Variants in LZTFL1 observed in about 807,000 individuals in gnomAD.
LZTFL1 encodes the protein leucine zipper transcription factor like 1, also known as leucine zipper transcription factor-like protein 1.
Under a neutral mutation model 45.9 loss-of-function variants are expected in LZTFL1, and 25 were observed. The observed-to-expected ratio is 0.54, with a 90% CI of 0.40 to 0.76. LZTFL1 has a LOEUF of 0.76. LZTFL1 is among the 30% of genes least tolerant of loss of function. The pLI is 0.00. For missense variants in LZTFL1, 277 were observed against 331.1 expected (o/e 0.84, Z 1.27); for synonymous variants, 93 against 117.4 (o/e 0.79, Z 1.35).
intron 2 of LZTFL1, among the ~76,000 whole-genome samples, chr3:45,886,267 T>C (rs7653372): frequency 0.2 from 30,658 of 152,120 alleles, 4,362 homozygotes; most frequent in African/African-American, 0.39. Flanking sequence ...CTCGATGGGA[T>C]CCTCCAATTT....
At chr3:45,872,561 T>G (rs1197340055) in intron 2 of LZTFL1, among the ~76,000 whole-genome samples, 1 of 152,088 alleles carries the variant, frequency 6.6e-6, no homozygotes, top group East Asian at 1.9e-4. Flanking sequence ...GGGGGCTTGT[T>G]GAAGTGCAGA....
At chr3:45,847,409 C>A (rs546886957) in intron 4 of LZTFL1, among the ~76,000 whole-genome samples, 1 of 152,268 alleles carries the variant, frequency 6.6e-6, no homozygotes, top group South Asian at 2.1e-4. Flanking sequence ...CCATAAAGAA[C>A]CATGTGCAAT....
intron 2 of LZTFL1, among the ~76,000 whole-genome samples, chr3:45,878,412 C>T (rs7614687): frequency 0.067 from 10,222 of 152,120 alleles, 1,208 homozygotes; most frequent in African/African-American, 0.23. Flanking sequence ...ACTGAACTTT[C>T]AGCTTTTGAA....
At chr3:45,830,806 G>A in intron 7 of LZTFL1, 107 bp downstream of exon 7, 1 of 907,488 alleles carries the variant, frequency 1.1e-6, no homozygotes, top group Non-Finnish European at 1.7e-6. Context: ...TTTGTCTCAG[G>A]GAGTAGCAGG....
At position 45,901,304 on chromosome 3, in the gene LZTFL1, C is replaced by G. The variant is rs559576247; in HGVS notation, c.-215+11816G>C. 12 of 1,614,200 alleles carry G rather than the reference C, an allele frequency of 7.4e-6. No individual in the cohort carries two copies. The South Asian group carries it at 1.3e-4, about 18-fold the overall frequency. On this transcript the variant is annotated intron_variant, in intron 2 of 4. Transcript: ENST00000472635. This position sits in a 1 kb window ranked among gnomAD's most constrained non-coding sequence, Gnocchi z 4.3. Reference sequence around the variant, plus strand: ...ACAGCAAAATGGTTTGCTTTACCATCTGGGTATTGGCAGCTGCTCTCTGCA... The same window carrying G: ...ACAGCAAAATGGTTTGCTTTACCATGTGGGTATTGGCAGCTGCTCTCTGCA...
intron 2 of LZTFL1, among the ~76,000 whole-genome samples, chr3:45,879,909 G>A (rs1454918075): frequency 6.6e-6 from 1 of 152,214 alleles, no homozygotes; most frequent in African/African-American, 2.4e-5. Flanking sequence ...ACTTCTCAGT[G>A]AATAATGATG....
Position 45,826,281 on chromosome 3 carries a change from G to T in LZTFL1, c.*33C>A, listed in dbSNP as rs771526544. On this transcript the variant is annotated 3_prime_UTR_variant, in exon 10 of 10. Coordinates refer to ENST00000296135, the MANE Select transcript of LZTFL1 (RefSeq NM_020347.4). ...CTGAGGTGAGACTGCTTGTATGTTT[G>T]CATGTGGTAGCTTCCAGAGGAAATC... 4 of 1,604,310 alleles carry T rather than the reference G, an allele frequency of 2.5e-6. No individual in the cohort carries two copies. The highest frequency in any genetic ancestry group is 3.4e-6 in the Non-Finnish European group (4 of 1,171,680).
At chr3:45,851,083 A>G (rs771687580) in intron 4 of LZTFL1, among the ~76,000 whole-genome samples, 18 of 152,098 alleles carry the variant, frequency 1.2e-4, no homozygotes, top group Non-Finnish European at 1.5e-5. Flanking sequence ...ACACCCCATC[A>G]TAGCCAGCAG....
chr3:45,826,506 G>A (rs1040177157), intron 9 of LZTFL1, among the ~76,000 whole-genome samples, 174 bp from the exon 10 acceptor site: 1 of 152,178 alleles, frequency 6.6e-6, no homozygotes, highest in African/African-American at 2.4e-5. Flanking sequence ...TTTACATCAG[G>A]TAGGAGGATA....
intron 8 of LZTFL1, 143 bp from the exon 9 acceptor site, chr3:45,827,602 T>A: frequency 3.3e-6 from 2 of 609,816 alleles, no homozygotes; most frequent in Non-Finnish European, 5.8e-6. Flanking sequence ...AAGGACACAT[T>A]TATATAAAAC....
intron 3 of LZTFL1, chr3:45,855,214 A>G: frequency 1.8e-6 from 1 of 554,182 alleles, no homozygotes; most frequent in Non-Finnish European, 3.2e-6. Context: ...CTTATCCACC[A>G]CAATCAAGTC....
intron 2 of LZTFL1, among the ~76,000 whole-genome samples, chr3:45,893,999 AT>A (rs1394192869): frequency 1.3e-5 from 2 of 152,048 alleles, no homozygotes; most frequent in Non-Finnish European, 2.9e-5. Context: ...GAAAGAGGCT[AT>A]TTTTTTCGAG....
chr3:45,890,080 T>C (rs1457524111), intron 2 of LZTFL1, among the ~76,000 whole-genome samples: 1 of 150,178 alleles, frequency 6.7e-6, no homozygotes, highest in Non-Finnish European at 1.5e-5. Flanking sequence ...CTCTTACCAA[T>C]GTCGTTACCA....
intron 2 of LZTFL1, among the ~76,000 whole-genome samples, chr3:45,864,008 A>G (rs1276035275): frequency 6.6e-6 from 1 of 152,222 alleles, no homozygotes; most frequent in East Asian, 1.9e-4. Context: ...TTTTTAAGAA[A>G]TGTATTTTGG....
chr3:45,826,409 G>A, intron 9 of LZTFL1, 77 bp from the exon 10 acceptor site: 1 of 1,160,676 alleles, frequency 8.6e-7, no homozygotes, highest in South Asian at 1.3e-5. Flanking sequence ...ACTTGAAGCA[G>A]TGGCACTATA....
At chr3:45,841,156 C>T (rs186414123) in intron 1 of LZTFL1, among the ~76,000 whole-genome samples, 2 of 152,286 alleles carry the variant, frequency 1.3e-5, no homozygotes, top group Non-Finnish European at 2.9e-5. Context: ...AGGGAGCAAT[C>T]TGTTTAGCTC....
At chr3:45,896,939 C>A (rs1419624959) in intron 2 of LZTFL1, among the ~76,000 whole-genome samples, 1 of 152,224 alleles carries the variant, frequency 6.6e-6, no homozygotes, top group Non-Finnish European at 1.5e-5. Context: ...CCAGAGAACA[C>A]ATGAGCCAGA....
At position 45,900,825 on chromosome 3, in the gene LZTFL1, A is replaced by G. The variant is rs778215169; in HGVS notation, c.-215+12295T>C. ...CCCCTTGCAGAGCCCTATTCCTAAC[A>G]TGGCTGATGACTATGGCTCTGAATC... On this transcript the variant is annotated intron_variant, in intron 2 of 4. Coordinates refer to the LZTFL1 transcript ENST00000472635. The surrounding 1 kb of genome is among the most constrained non-coding windows in gnomAD (Gnocchi z 4.7). 13 of 1,612,144 alleles carry G rather than the reference A, an allele frequency of 8.1e-6. No homozygotes were observed. The highest frequency in any genetic ancestry group is 1.0e-5 in the Non-Finnish European group (12 of 1,178,600).
rs116141393 is a variant in LZTFL1 at position 45,879,165 on chromosome 3, C to T, written c.-214-20149G>A. Among the ~76,000 whole-genome samples the T allele has an allele frequency of 8.0e-3, 1,222 of 152,210 alleles. 7 individuals carry two copies. Among genetic ancestry groups the T allele is most frequent in the Non-Finnish European group, 0.012 (807 of 68,006 alleles). ...AGCAATCGTGCTTCTCAGTATGTAC[C>T]CAAATGAGCTGAAACTTATGGCCAC... On this transcript the variant is annotated intron_variant, in intron 2 of 4. Coordinates refer to the LZTFL1 transcript ENST00000472635.
Sources: gnomAD v4.1 joint callset for allele counts (sites outside exome capture counted in the v4.1 genomes callset) on GRCh38, gnomAD v4.1.1 for gene constraint, Gnocchi (gnomAD v3.1) non-coding constraint, MANE v1.5 for transcripts, NCBI Gene and HGNC (gene_info 2026-07-23, HGNC 2026-07-21) for gene names.